The following ZNF559 variants were observed in gnomAD, a reference collection of about 807,000 sequenced individuals.
ZNF559 encodes the protein putative protein product of Nbla00121.
A neutral mutation model predicts 14.2 loss-of-function variants in ZNF559; 17 were observed. The observed-to-expected ratio is 1.20, with a 90% CI of 0.82 to 1.80. The LOEUF (loss-of-function observed/expected upper bound fraction) is 1.80, where lower values mean the gene tolerates loss of function less well. Ranked by LOEUF, ZNF559 falls within the 40% of genes most tolerant of loss-of-function variation. ZNF559 has a pLI of 0.00. For missense variants in ZNF559, 740 were observed against 629.7 expected (o/e 1.18, Z -1.88); for synonymous variants, 244 against 212.4 (o/e 1.15, Z -1.29).
rs1403059581 is a variant in ZNF559, at chr19:9,343,329, G to C, written c.*261G>C. 1.6e-6 allele frequency: 2 copies of C among 1,241,128 alleles called. No individual in the cohort carries two copies. Among genetic ancestry groups the C allele is most frequent in the Admixed American group, 3.9e-5 (1 of 25,380 alleles). The allele number at this position is 1,241,128 out of a possible 1,614,324, so 76.9% of individuals were successfully genotyped here. A position where few individuals can be genotyped will look rare whatever the true frequency, so the allele number is the denominator to read the frequency against. ...ACAAACTGAACGTAGGAAACCTGTC[G>C]ATGCTTACATCTTACTGAGTCTGTT... On this transcript the variant is annotated 3_prime_UTR_variant, in exon 7 of 7. Transcript: ENST00000603380.
At chr19:9,331,793 A>G (rs1568360394) in intron 2 of ZNF559, among the ~76,000 whole-genome samples, 1 of 152,174 alleles carries the variant, frequency 6.6e-6, no homozygotes, top group Non-Finnish European at 1.5e-5. Flanking sequence ...CCATGAGTGA[A>G]CAGAGAGGTA....
rs747559751 is a variant in ZNF559, at chr19:9,341,784, A to T, written c.333A>T (p.Arg111Ser). 6.2e-7 allele frequency: 1 copy of T among 1,608,116 alleles called. No homozygotes were observed. Among genetic ancestry groups the T allele is most frequent in the South Asian group, 1.1e-5 (1 of 89,694 alleles). Reference protein sequence around the residue: ...SEHSCLKTHRRTYFRKKTCEC... With the variant: ...SEHSCLKTHRSTYFRKKTCEC... Reference sequence around the variant, plus strand: ...ACTCATGCCTTAAGACTCACAGGAGAACTTACTTTAGAAAGAAAACCTGTG... The same window carrying T: ...ACTCATGCCTTAAGACTCACAGGAGTACTTACTTTAGAAAGAAAACCTGTG... Residue 111 changes from arginine to serine, a missense_variant, in exon 7 of 7, where the codon AGA (arginine) becomes AGT (serine). Coordinates refer to ENST00000603380, the MANE Select transcript of ZNF559 (RefSeq NM_032497.3).
At chr19:9,325,813 C>G (rs759314297) in intron 2 of ZNF559, among the ~76,000 whole-genome samples, 1 of 151,488 alleles carries the variant, frequency 6.6e-6, no homozygotes, top group Non-Finnish European at 1.5e-5. Context: ...GTCTTTAACC[C>G]TTAACTACAT....
chr19:9,333,026 G>A (rs182153091), intron 2 of ZNF559: 2 of 152,370 alleles, frequency 1.3e-5, no homozygotes, highest in Admixed American at 1.3e-4. Flanking sequence ...CAGGAGTACA[G>A]TGGTGAGATC....
intron 5 of ZNF559, among the ~76,000 whole-genome samples, chr19:9,340,733 A>ATTTTTT (rs201367378): frequency 0.023 from 2,918 of 124,560 alleles, 112 homozygotes; most frequent in African/African-American, 0.076. Flanking sequence ...TGCCTGGCTA[A>ATTTTTT]TTTTTTTTTT....
chr19:9,337,864 A>T lies in ZNF559; in HGVS notation c.-57+6A>T. ...CTGTTGCTGAAAGATTGACGGTATG[A>T]GGCAAGACTCCCACTACTACTTAAT... is the stretch of plus-strand genomic sequence containing the variant. On this transcript the variant is annotated splice_donor_region_variant and intron_variant, in intron 3 of 6. Transcript: ENST00000603380. The T allele has an allele frequency of 6.6e-7, 1 of 1,513,066 alleles. No individual in the cohort carries two copies. Among genetic ancestry groups the T allele is most frequent in the Non-Finnish European group, 8.8e-7 (1 of 1,134,050 alleles). The allele number at this position is 1,513,066 out of a possible 1,614,324, so 93.7% of individuals were successfully genotyped here. A position where few individuals can be genotyped will look rare whatever the true frequency, so the allele number is the denominator to read the frequency against.
chr19:9,340,937 T>TA (rs2122268372), intron 5 of ZNF559, among the ~76,000 whole-genome samples, 165 bp from the exon 6 acceptor site: 1 of 152,214 alleles, frequency 6.6e-6, no homozygotes, highest in East Asian at 1.9e-4. Flanking sequence ...GCTAGACTCT[T>TA]ACTACATCCA....
At chr19:9,328,922 C>G (rs1599294820) in intron 2 of ZNF559, among the ~76,000 whole-genome samples, 2 of 152,108 alleles carry the variant, frequency 1.3e-5, no homozygotes, top group African/African-American at 4.8e-5. Context: ...TTCAGTCTTT[C>G]TGATATTTCT....
At chr19:9,329,144 T>C (rs905588852) in intron 2 of ZNF559, among the ~76,000 whole-genome samples, 2 of 152,218 alleles carry the variant, frequency 1.3e-5, no homozygotes, top group African/African-American at 4.8e-5. Flanking sequence ...AATACAGCTG[T>C]TTAAAAATCA....
chr19:9,340,295 T>C (rs1197164060), intron 5 of ZNF559, among the ~76,000 whole-genome samples: 6 of 151,974 alleles, frequency 3.9e-5, no homozygotes, highest in Admixed American at 2.0e-4. Flanking sequence ...AGTAGGAAGG[T>C]TTTGAAAGTG....
At position 9,341,762 on chromosome 19, in the gene ZNF559, C is replaced by T; in HGVS notation, c.311C>T (p.Ser104Leu). The T allele has an allele frequency of 1.2e-6, 2 of 1,603,496 alleles. No homozygotes were observed. Among genetic ancestry groups the T allele is most frequent in the South Asian group, 1.1e-5 (1 of 89,256 alleles). ...TGTGAAAAAGCCTTGAGTGAACACT[C>T]ATGCCTTAAGACTCACAGGAGAACT... ...NQCEKALSEH[S>L]CLKTHRRTYF... is the part of the protein sequence containing the mutation. Residue 104 changes from serine to leucine, a missense_variant, in exon 7 of 7, where the codon TCA becomes TTA. Coordinates refer to ENST00000603380, the MANE Select transcript of ZNF559 (RefSeq NM_032497.3).
rs1243244195 is a variant in ZNF559 at position 9,343,059 on chromosome 19, ATG to A, written c.1615_1616del (p.Ter539AsnfsTer4). ...TTAGTAATTCCTCATGCCTTACTGA[ATG>A]TGTGTGAATTGGGGCTGATACTTGG... ...TFSNSSCLTE[C>X]V On this transcript the variant is annotated frameshift_variant, in exon 7 of 7. Coordinates refer to ENST00000603380, the MANE Select transcript of ZNF559 (RefSeq NM_032497.3). LOFTEE classifies it high-confidence loss of function. 13 of 1,609,024 alleles carry A rather than the reference ATG, an allele frequency of 8.1e-6. No individual in the cohort carries two copies. Among genetic ancestry groups the A allele is most frequent in the Non-Finnish European group, 1.1e-5 (13 of 1,177,640 alleles).
intron 2 of ZNF559, among the ~76,000 whole-genome samples, chr19:9,327,204 C>G (rs1231806082): frequency 6.6e-6 from 1 of 151,880 alleles, no homozygotes; most frequent in East Asian, 1.9e-4. Flanking sequence ...CCCCAACAGC[C>G]TTTCACCCAG....
intron 6 of ZNF559, chr19:9,341,488 G>T: frequency 1.1e-6 from 1 of 941,896 alleles, no homozygotes; most frequent in South Asian, 1.4e-5. Flanking sequence ...TGAAAGTAAA[G>T]AATATAACAG....
At chr19:9,340,566 C>T (rs2067507401) in intron 5 of ZNF559, among the ~76,000 whole-genome samples, 1 of 93,036 alleles carries the variant, frequency 1.1e-5, no homozygotes, top group Non-Finnish European at 2.0e-5. Context: ...CTCTCTGTCT[C>T]TAAAAAAAAA....
rs144100044 is a variant in ZNF559, at chr19:9,334,153, T to C, written c.-119-3643T>C. On this transcript the variant is annotated intron_variant, in intron 2 of 6. Transcript: ENST00000603380. ...ATCATTATTTGAAATAGCCCAGAAT[T>C]AAGCAACTCAAATGTCTGTCTACAA... Among the ~76,000 whole-genome samples, 607 of 152,326 alleles carry C rather than the reference T, an allele frequency of 4.0e-3. 2 individuals carry two copies. The highest frequency in any genetic ancestry group is 6.6e-3 in the Non-Finnish European group (446 of 68,028).
chr19:9,330,256 G>C (rs1051761150), intron 2 of ZNF559: 5 of 152,110 alleles, frequency 3.3e-5, no homozygotes, highest in Non-Finnish European at 7.4e-5. Flanking sequence ...AAAATTCTCT[G>C]TCTTTGACTT....
At chr19:9,323,990 C>T, upstream of ZNF559, 1 of 613,616 alleles carries the variant, frequency 1.6e-6, no homozygotes, top group Non-Finnish European at 2.8e-6. Flanking sequence ...TTCAAAACGC[C>T]AGTAACCTGG....
In ZNF559 at chr19:9,324,385, C is replaced by G. The variant is rs1050677143; in HGVS notation, c.-206+157C>G. 12 of 1,483,398 alleles carry G rather than the reference C, an allele frequency of 8.1e-6. No individual in the cohort carries two copies. In the Admixed American group the frequency reaches 2.6e-4, roughly 32 times the overall value. The allele number at this position is 1,483,398 out of a possible 1,614,324, so 91.9% of individuals were successfully genotyped here. A position where few individuals can be genotyped will look rare whatever the true frequency, so the allele number is the denominator to read the frequency against. ...TGGGCTCTCCCAAGTCGCGGCCCCT[C>G]CTCTGAGAGCCACAGTCAGGTCTGT... On this transcript the variant is annotated intron_variant, in intron 1 of 6. Coordinates refer to ENST00000603380, the MANE Select transcript of ZNF559 (RefSeq NM_032497.3).
Sources: allele counts gnomAD v4.1 joint callset (sites outside exome capture counted in the v4.1 genomes callset), GRCh38; gene constraint gnomAD v4.1.1; transcripts MANE v1.5; gene names NCBI Gene and HGNC (gene_info 2026-07-23, HGNC 2026-07-21).